Variants in MATR3 observed in about 807,000 individuals in gnomAD.
The protein encoded by MATR3 is matrin-3.
A neutral mutation model predicts 85.5 loss-of-function variants in MATR3; 4 were observed. That is an observed-to-expected ratio of 0.05 (90% CI 0.02 to 0.11). The LOEUF (loss-of-function observed/expected upper bound fraction) is 0.11. Ranked by LOEUF, MATR3 falls within the 10% of genes least tolerant of loss-of-function variation. MATR3 has a pLI of 1.00. For synonymous variants in MATR3, 336 were observed against 343.1 expected, an observed-to-expected ratio of 0.98 and a Z score of 0.23; for missense variants, 685 against 1,016.1, an observed-to-expected ratio of 0.67 and a Z score of 4.43.
At chr5:139,310,234 G>T (rs1038949058) in intron 2 of MATR3, 1 of 152,218 alleles carries the variant, frequency 6.6e-6, no homozygotes, top group South Asian at 2.1e-4. Context: ...CACTACCCTA[G>T]TGCAAGAGGT....
chr5:139,299,876 G>T (rs1486979291), intron 1 of MATR3: 1 of 152,134 alleles, frequency 6.6e-6, no homozygotes, highest in East Asian at 1.9e-4. Flanking sequence ...CACCCTAAAC[G>T]CACCTGATTT....
chr5:139,324,271 C>T (rs1383667815), intron 12 of MATR3, among the ~76,000 whole-genome samples: 1 of 147,636 alleles, frequency 6.8e-6, no homozygotes, highest in Non-Finnish European at 1.5e-5. Context: ...CTTGGGCAGT[C>T]ATTCTTCAGA....
intron 3 of MATR3, chr5:139,282,621 T>C (rs1168949610): frequency 6.6e-6 from 1 of 152,234 alleles, no homozygotes; most frequent in East Asian, 1.9e-4. Flanking sequence ...ACATCTTACA[T>C]TGGTATATTA....
intron 12 of MATR3, among the ~76,000 whole-genome samples, chr5:139,324,763 A>G (rs1428403383): frequency 6.6e-6 from 1 of 152,216 alleles, no homozygotes; most frequent in Non-Finnish European, 1.5e-5. Context: ...GAATATTCCT[A>G]TCTCATTTAA....
intron 12 of MATR3, chr5:139,325,211 A>G (rs748160872): frequency 1.0e-5 from 15 of 1,501,144 alleles, no homozygotes; most frequent in South Asian, 2.6e-5. Flanking sequence ...AAAGGCAAAG[A>G]CGCTATCCGT....
intron 3 of MATR3, among the ~76,000 whole-genome samples, chr5:139,286,780 G>T (rs934238087): frequency 1.6e-4 from 24 of 151,276 alleles, no homozygotes; most frequent in Admixed American, 8.6e-4. Flanking sequence ...GGAGGCGGAG[G>T]TTGCAGTGAG....
chr5:139,318,677 C>G (rs1177565117), intron 7 of MATR3, among the ~76,000 whole-genome samples: 1 of 152,222 alleles, frequency 6.6e-6, no homozygotes, highest in East Asian at 1.9e-4. Context: ...GATCTTTCAA[C>G]CTCGTGATCC....
intron 1 of MATR3, among the ~76,000 whole-genome samples, chr5:139,275,375 A>G (rs1311177611): frequency 6.6e-6 from 1 of 151,238 alleles, no homozygotes; most frequent in Admixed American, 6.6e-5. Flanking sequence ...CACATCCAAT[A>G]CTGCAGTTAT....
At chr5:139,300,627 T>A (rs970745296) in intron 1 of MATR3, among the ~76,000 whole-genome samples, 3 of 152,230 alleles carry the variant, frequency 2.0e-5, no homozygotes, top group African/African-American at 7.2e-5. Flanking sequence ...GTGCTGTGTG[T>A]CAGACACTAT....
chr5:139,280,928 TAA>T (rs1372020457), intron 3 of MATR3, among the ~76,000 whole-genome samples: 1 of 152,264 alleles, frequency 6.6e-6, no homozygotes, highest in East Asian at 1.9e-4. Context: ...ACTTGATAAA[TAA>T]AGTTACTCAC....
chr5:139,281,344 GTTTTTTTTTTTGTTTTTT>G (rs1753512641), intron 3 of MATR3, among the ~76,000 whole-genome samples: 1 of 120,170 alleles, frequency 8.3e-6, no homozygotes, highest in African/African-American at 3.1e-5. Flanking sequence ...CCTCGAAGTA[GTTTTTTTTTTTGTTTTTT>G]TTTTTTTTTT....
chr5:139,291,613 A>G (rs867092854), upstream of MATR3, among the ~76,000 whole-genome samples: 1 of 152,044 alleles, frequency 6.6e-6, no homozygotes, highest in African/African-American at 2.4e-5. Context: ...CCTTGGCTTC[A>G]CCGCAACCTC....
intron 2 of MATR3, chr5:139,279,013 A>AG: frequency 2.0e-6 from 1 of 512,752 alleles, no homozygotes; most frequent in South Asian, 1.4e-5. Flanking sequence ...AGGTTGTCTT[A>AG]GGGACAGCCT....
chr5:139,283,516 G>A (rs1224355329), intron 3 of MATR3: 1 of 152,386 alleles, frequency 6.6e-6, no homozygotes, highest in African/African-American at 2.4e-5. Flanking sequence ...CCCCAACAAT[G>A]ATCTGTTCTT....
upstream of MATR3, chr5:139,292,142 A>G (rs1753895234): frequency 6.6e-6 from 1 of 151,372 alleles, no homozygotes; most frequent in Non-Finnish European, 1.5e-5. Flanking sequence ...TTATTATTTT[A>G]GTAGAGACGG....
At chr5:139,304,604 T>G (rs898441441) in intron 1 of MATR3, among the ~76,000 whole-genome samples, 2 of 152,206 alleles carry the variant, frequency 1.3e-5, no homozygotes, top group African/African-American at 2.4e-5. Flanking sequence ...GCAGGTGCTT[T>G]CTTTTTTGGA....
chr5:139,289,871 C>T (rs1411498670), upstream of MATR3, among the ~76,000 whole-genome samples: 4 of 152,196 alleles, frequency 2.6e-5, no homozygotes, highest in Non-Finnish European at 2.9e-5. Context: ...GTCTATTTCA[C>T]GCTTCAGTGG....
rs537177316 is a variant in MATR3 at position 139,279,421 on chromosome 5, G to T, written c.-178+292G>T. 1.5e-5 allele frequency: 4 copies of T among 266,100 alleles called. No individual in the cohort carries two copies. The South Asian group carries it at 1.6e-4, about 11-fold the overall frequency. 16.5% of individuals were successfully genotyped at this position (266,100 alleles called of 1,614,324 possible). A position where few individuals can be genotyped will look rare whatever the true frequency, so the allele number is the denominator to read the frequency against. ...TTTTTTTATTTTAAGTAGAGACGAGGTTTCACCATATTGGCCAGGCTGGTC... is the reference window on the plus strand; with the variant it reads ...TTTTTTTATTTTAAGTAGAGACGAGTTTTCACCATATTGGCCAGGCTGGTC... On this transcript the variant is annotated intron_variant, in intron 3 of 16. Transcript: ENST00000509990.
At chr5:139,288,375 G>A (rs1459641070) in intron 3 of MATR3, among the ~76,000 whole-genome samples, 1 of 152,112 alleles carries the variant, frequency 6.6e-6, no homozygotes. Flanking sequence ...TTCTCTGCAC[G>A]ATCACCAGAT....
Sources: gnomAD v4.1 joint callset for allele counts (sites outside exome capture counted in the v4.1 genomes callset) on GRCh38, gnomAD v4.1.1 for gene constraint, MANE v1.5 for transcripts, NCBI Gene and HGNC (gene_info 2026-07-23, HGNC 2026-07-21) for gene names.